EDA2R: variants seen among roughly 807,000 people sequenced by gnomAD.
EDA2R encodes the protein tumor necrosis factor receptor superfamily member 27.
A neutral mutation model predicts 20.1 loss-of-function variants in EDA2R; 26 were observed. That is an observed-to-expected ratio of 1.30 (90% CI 0.95 to 1.80). The LOEUF (loss-of-function observed/expected upper bound fraction) is 1.80. Among genes scored for constraint, EDA2R ranks in the 40% most tolerant of loss-of-function variants. The pLI is 0.00. For missense variants in EDA2R, 277 were observed against 228.7 expected, an observed-to-expected ratio of 1.21 and a Z score of -1.36; for synonymous variants, 114 against 88.7, an observed-to-expected ratio of 1.29 and a Z score of -1.60.
intron 5 of EDA2R, 38 bp downstream of exon 5, chrX:66,602,595 T>C: frequency 2.6e-6 from 3 of 1,161,340 alleles, no homozygotes; most frequent in Admixed American, 5.1e-5. Context: ...AAGAGCCTTG[T>C]TCCTGATTCA....
At chrX:66,604,951 G>T in intron 3 of EDA2R, 97 bp downstream of exon 3, 1 of 772,118 alleles carries the variant, frequency 1.3e-6, no homozygotes, top group Non-Finnish European at 1.8e-6. Context: ...ATGTTTATAA[G>T]AAGAATATTT....
chrX:66,633,208 A>C (rs1436677958), intron 1 of EDA2R, among the ~76,000 whole-genome samples: 1 of 112,417 alleles, frequency 8.9e-6, no homozygotes, highest in East Asian at 2.8e-4. Context: ...GACAACAAAC[A>C]AAGCACAAAC....
intron 1 of EDA2R, among the ~76,000 whole-genome samples, chrX:66,633,152 A>G (rs1201399851): frequency 8.9e-6 from 1 of 112,559 alleles, no homozygotes; most frequent in Non-Finnish European, 1.9e-5. Context: ...AATGCTAACC[A>G]TATGAGTCAA....
intron 1 of EDA2R, among the ~76,000 whole-genome samples, chrX:66,619,262 C>T (rs906171931): frequency 8.9e-6 from 1 of 111,770 alleles, no homozygotes; most frequent in African/African-American, 3.3e-5. Context: ...TCCAAGATAC[C>T]CTCAGTGCCT....
chrX:66,599,185 C>T (rs1285576445), intron 6 of EDA2R, among the ~76,000 whole-genome samples: 2 of 111,473 alleles, frequency 1.8e-5, no homozygotes, highest in African/African-American at 3.3e-5. Context: ...CTGAATATGA[C>T]CATTAGATAG....
chrX:66,622,023 C>T (rs1277670941), intron 1 of EDA2R, among the ~76,000 whole-genome samples: 2 of 111,707 alleles, frequency 1.8e-5, no homozygotes, highest in Non-Finnish European at 3.8e-5. Flanking sequence ...AATATTTTTA[C>T]ACAGGCCTCC....
chrX:66,602,556 A>G, intron 5 of EDA2R, 77 bp downstream of exon 5: 1 of 1,054,532 alleles, frequency 9.5e-7, no homozygotes, highest in Non-Finnish European at 1.3e-6. Flanking sequence ...TTGTCTCTCA[A>G]CCCCAGAACA....
intron 1 of EDA2R, among the ~76,000 whole-genome samples, chrX:66,635,565 T>G (rs1191421476): frequency 8.9e-6 from 1 of 112,504 alleles, no homozygotes; most frequent in African/African-American, 3.2e-5. Flanking sequence ...AAAGAGGGAA[T>G]AACTGGTATA....
At chrX:66,614,418 A>G (rs982393403) in intron 2 of EDA2R, among the ~76,000 whole-genome samples, 1 of 112,391 alleles carries the variant, frequency 8.9e-6, no homozygotes, top group South Asian at 3.7e-4. Flanking sequence ...TCAACTTACT[A>G]CATCCTAATT....
At chrX:66,632,743 T>C (rs990045271) in intron 1 of EDA2R, among the ~76,000 whole-genome samples, 2 of 111,953 alleles carry the variant, frequency 1.8e-5, no homozygotes, top group African/African-American at 6.5e-5. Flanking sequence ...TTATTTTATT[T>C]CATGGGCATG....
intron 1 of EDA2R, among the ~76,000 whole-genome samples, chrX:66,634,177 T>C (rs772733019): frequency 2.7e-5 from 3 of 112,201 alleles, no homozygotes; most frequent in Non-Finnish European, 5.6e-5. Context: ...GAATGAGGCA[T>C]GTCTGTACAA....
chrX:66,606,964 C>A (rs1386840134), intron 2 of EDA2R, among the ~76,000 whole-genome samples: 1 of 112,494 alleles, frequency 8.9e-6, no homozygotes, highest in African/African-American at 3.2e-5. Flanking sequence ...AACTAACAAA[C>A]CACAATACCT....
At chrX:66,619,209 T>C (rs1393323685) in intron 1 of EDA2R, among the ~76,000 whole-genome samples, 1 of 111,650 alleles carries the variant, frequency 9.0e-6, no homozygotes, top group African/African-American at 3.3e-5. Flanking sequence ...TTCCTCCTCA[T>C]TAATCGCAAC....
intron 1 of EDA2R, among the ~76,000 whole-genome samples, chrX:66,635,808 T>A (rs1351883762): frequency 8.9e-6 from 1 of 112,535 alleles, no homozygotes; most frequent in Non-Finnish European, 1.9e-5. Context: ...ATAATATATA[T>A]AAATAAATCT....
chrX:66,611,344 T>C (rs1930702174), intron 2 of EDA2R, among the ~76,000 whole-genome samples: 1 of 111,391 alleles, frequency 9.0e-6, no homozygotes, highest in Non-Finnish European at 1.9e-5. Flanking sequence ...ACAACATGAA[T>C]GAGAAAAGTC....
Position 66,599,629 on chromosome X carries a change from C to T in EDA2R, c.749G>A (p.Ser250Asn), listed in dbSNP as rs267606500. 2.5e-6 allele frequency: 3 copies of T among 1,206,241 alleles called. No homozygotes were observed. Among genetic ancestry groups the T allele is most frequent in the Non-Finnish European group, 2.2e-6 (2 of 892,890 alleles). The change falls in exon 6 of 7, where the codon AGC (serine) becomes AAC (asparagine). Residue 250 changes from serine to asparagine, a missense_variant. Ser to Asn is a conservative substitution (Grantham distance 46). Coordinates refer to ENST00000374719, the MANE Select transcript of EDA2R (RefSeq NM_021783.5). ...GTCCAGCTCTGTGCATTCGATGGGG[C>T]TGTGGACCCAGTGGGAGTGGCTCTC... is the stretch of plus-strand genomic sequence containing the variant. ...TSESHSHWVH[S>N]PIECTELDLQ...
At chrX:66,598,294 A>C (rs1235754898) in intron 6 of EDA2R, among the ~76,000 whole-genome samples, 2 of 112,108 alleles carry the variant, frequency 1.8e-5, no homozygotes. Context: ...TTTAGTTCTA[A>C]GCTCCACATA....
chrX:66,609,739 T>G (rs1171321056), intron 2 of EDA2R, among the ~76,000 whole-genome samples: 1 of 112,052 alleles, frequency 8.9e-6, no homozygotes, highest in Non-Finnish European at 1.9e-5. Flanking sequence ...ACTTATAGAT[T>G]TGTTAAGATT....
intron 1 of EDA2R, among the ~76,000 whole-genome samples, chrX:66,636,959 C>G (rs5965286): frequency 0.064 from 7,021 of 109,333 alleles, 564 homozygotes; most frequent in African/African-American, 0.22. Context: ...CACACACACA[C>G]ACACACACCC....
Sources: gnomAD v4.1 joint callset for allele counts (sites outside exome capture counted in the v4.1 genomes callset) on GRCh38, gnomAD v4.1.1 for gene constraint, MANE v1.5 for transcripts, NCBI Gene and HGNC (gene_info 2026-07-23, HGNC 2026-07-21) for gene names.